Variants in ENSA observed in about 807,000 individuals in gnomAD.
The protein encoded by ENSA is alpha-endosulfine.
In ENSA, 7 loss-of-function variants were observed where a neutral mutation model predicts 16.8. The ratio of observed to expected loss-of-function variants is 0.42; its 90% CI spans 0.24 to 0.78. The LOEUF (loss-of-function observed/expected upper bound fraction) is 0.78, where lower values mean the gene tolerates loss of function less well. Ranked by LOEUF, ENSA falls within the 30% of genes least tolerant of loss-of-function variation. The pLI is 0.29. For synonymous variants in ENSA, 58 were observed against 53.4 expected (o/e 1.09, Z -0.37); for missense variants, 87 against 142.3 (o/e 0.61, Z 1.98).
At chr1:150,624,380 C>A (rs1649161371) in intron 3 of ENSA, 1 of 985,814 alleles carries the variant, frequency 1.0e-6, no homozygotes, top group South Asian at 4.7e-5. Context: ...GTTTACCCTT[C>A]TTCCTCTTTC....
intron 1 of ENSA, among the ~76,000 whole-genome samples, chr1:150,628,772 A>G (rs923471426): frequency 6.6e-6 from 1 of 152,122 alleles, no homozygotes; most frequent in African/African-American, 2.4e-5. Flanking sequence ...GGAAGAGAGA[A>G]GTGTCTTTCT....
chr1:150,625,564 G>T, intron 3 of ENSA, 78 bp downstream of exon 3: 3 of 1,479,330 alleles, frequency 2.0e-6, no homozygotes, highest in Non-Finnish European at 9.0e-7. Context: ...GATCTGACTA[G>T]GTGCCCATTT....
At chr1:150,627,056 G>T in intron 2 of ENSA, 1 of 1,253,448 alleles carries the variant, frequency 8.0e-7, no homozygotes, top group Non-Finnish European at 1.0e-6. Context: ...TTCATTTCAA[G>T]TTGAGGATTT....
intron 1 of ENSA, 178 bp downstream of exon 1, chr1:150,629,236 G>A (rs932441078): frequency 2.6e-6 from 4 of 1,535,234 alleles, no homozygotes; most frequent in African/African-American, 2.7e-5. Flanking sequence ...AGTGACAAAC[G>A]ACCCAACTAA....
At chr1:150,624,995 AAGAG>A in intron 3 of ENSA, 2 of 985,384 alleles carry the variant, frequency 2.0e-6, no homozygotes, top group Non-Finnish European at 2.4e-6. Flanking sequence ...AACATGCTGG[AAGAG>A]AGAGAGAAGG....
chr1:150,625,466 A>AAT (rs1649235461), intron 3 of ENSA, 176 bp downstream of exon 3: 1 of 1,320,886 alleles, frequency 7.6e-7, no homozygotes, highest in Non-Finnish European at 9.7e-7. Context: ...TAACGAAATA[A>AAT]ATAAACTTAG....
intron 2 of ENSA, chr1:150,626,619 C>T (rs587671618): frequency 2.1e-5 from 19 of 907,952 alleles, no homozygotes; most frequent in Middle Eastern, 2.2e-4. Flanking sequence ...TGCAGTGGCA[C>T]GATCTCGGCT....
intron 3 of ENSA, chr1:150,624,409 A>T: frequency 1.0e-5 from 10 of 985,928 alleles, no homozygotes; most frequent in Non-Finnish European, 1.1e-5. Flanking sequence ...TATACCTGGC[A>T]TCAGACTGCA....
rs1649026429 is a variant in ENSA at position 150,622,272 on chromosome 1, C to T, written c.*572G>A. The T allele has an allele frequency of 6.6e-6, 1 of 152,332 alleles. No individual in the cohort carries two copies. 9.4% of individuals were successfully genotyped at this position (152,332 alleles called of 1,614,324 possible). On this transcript the variant is annotated 3_prime_UTR_variant, in exon 4 of 4. Transcript: ENST00000369014. ...TCCCACAGCAAATCTATTTCAAGGA[C>T]AGTACTTTTTAAAATGATTAATGTT...
intron 3 of ENSA, chr1:150,625,366 CA>C: frequency 5.3e-6 from 6 of 1,127,652 alleles, no homozygotes; most frequent in East Asian, 4.7e-5. Context: ...GTTTCTCACA[CA>C]AAAAAAGCAT....
chr1:150,627,319 T>G, intron 2 of ENSA, 148 bp downstream of exon 2: 1 of 1,598,386 alleles, frequency 6.3e-7, no homozygotes, highest in Non-Finnish European at 8.5e-7. Flanking sequence ...TACATTAATT[T>G]GACTTGCTCT....
chr1:150,626,284 G>T (rs1053627590), intron 2 of ENSA, among the ~76,000 whole-genome samples: 1 of 152,186 alleles, frequency 6.6e-6, no homozygotes, highest in African/African-American at 2.4e-5. Context: ...CCCAGACCAG[G>T]AATAGAAACT....
chr1:150,629,042 C>G (rs950865356), intron 1 of ENSA: 2 of 1,613,510 alleles, frequency 1.2e-6, no homozygotes, highest in Non-Finnish European at 1.7e-6. Flanking sequence ...GGCCCCAGCC[C>G]GGTTGCTGGG....
At chr1:150,626,358 G>A (rs995930197) in intron 2 of ENSA, 1 of 879,948 alleles carries the variant, frequency 1.1e-6, no homozygotes, top group Admixed American at 1.9e-5. Context: ...CATGTTCCAT[G>A]ACTGTGACAG....
intron 1 of ENSA, chr1:150,629,075 AAC>A (rs1649556716): frequency 6.2e-7 from 1 of 1,614,054 alleles, no homozygotes. Context: ...ACAAACCAAT[AAC>A]ACACATCACA....
intron 1 of ENSA, 98 bp downstream of exon 1, chr1:150,629,316 A>C: frequency 6.5e-7 from 1 of 1,548,152 alleles, no homozygotes; most frequent in Non-Finnish European, 8.7e-7. Flanking sequence ...ACCCCTGCGG[A>C]GCCTGAGACC....
chr1:150,629,079 C>G, intron 1 of ENSA: 2 of 1,614,164 alleles, frequency 1.2e-6, no homozygotes, highest in Non-Finnish European at 1.7e-6. Flanking sequence ...ACCAATAACA[C>G]ACATCACACC....
At chr1:150,629,221 T>G in intron 1 of ENSA, 193 bp downstream of exon 1, 1 of 1,561,936 alleles carries the variant, frequency 6.4e-7, no homozygotes, top group Non-Finnish European at 8.8e-7. Context: ...AAGAGTACAG[T>G]ACTGAGTGAC....
At position 150,622,237 on chromosome 1, in the gene ENSA, C is replaced by CT. The variant is rs1162305812; in HGVS notation, c.*606dup. Reference sequence around the variant, plus strand: ...TCACGGCTCCTTTCTCCCACACTCACTGCCCTTCTTCCCACAGCAAATCTA... The same window carrying CT: ...TCACGGCTCCTTTCTCCCACACTCACTTGCCCTTCTTCCCACAGCAAATCTA... On this transcript the variant is annotated 3_prime_UTR_variant, in exon 4 of 4. Coordinates refer to ENST00000369014, the MANE Select transcript of ENSA (RefSeq NM_004436.4). The CT allele has an allele frequency of 6.6e-6, 1 of 152,252 alleles. No individual in the cohort carries two copies. The highest frequency in any genetic ancestry group is 1.5e-5 in the Non-Finnish European group (1 of 68,060). The allele number at this position is 152,252 out of a possible 1,614,324, so 9.4% of individuals were successfully genotyped here.
Sources: gnomAD v4.1 joint callset for allele counts (sites outside exome capture counted in the v4.1 genomes callset) on GRCh38, gnomAD v4.1.1 for gene constraint, MANE v1.5 for transcripts, NCBI Gene and HGNC (gene_info 2026-07-23, HGNC 2026-07-21) for gene names.